TBC1D4: variants seen among roughly 807,000 people sequenced by gnomAD.
The protein encoded by TBC1D4 is TBC1 domain family member 4, also known as TBC (Tre-2, BUB2, CDC16) domain-containing protein.
Under a neutral mutation model 142.5 loss-of-function variants are expected in TBC1D4, and 121 were observed. That is an observed-to-expected ratio of 0.85 (90% confidence interval 0.73 to 0.99). The LOEUF is 0.99. TBC1D4 is among the 50% of genes least tolerant of loss of function. TBC1D4 has a pLI of 0.00. For synonymous variants in TBC1D4, 630 were observed against 628.2 expected, an observed-to-expected ratio of 1.00 and a Z score of -0.04; for missense variants, 1,475 against 1,606.6, an observed-to-expected ratio of 0.92 and a Z score of 1.40.
intron 13 of TBC1D4, among the ~76,000 whole-genome samples, chr13:75,310,942 C>A (rs1877687280): frequency 6.6e-6 from 1 of 152,142 alleles, no homozygotes; most frequent in South Asian, 2.1e-4. Flanking sequence ...AGGATAATAA[C>A]CTCCAGCTAC....
chr13:75,431,303 G>T (rs1025828383), intron 1 of TBC1D4, among the ~76,000 whole-genome samples: 1 of 152,146 alleles, frequency 6.6e-6, no homozygotes, highest in Non-Finnish European at 1.5e-5. Flanking sequence ...TCCATAACCT[G>T]TCAAGTATAT....
intron 1 of TBC1D4, among the ~76,000 whole-genome samples, chr13:75,458,445 C>A (rs1887831351): frequency 6.6e-6 from 1 of 152,156 alleles, no homozygotes; most frequent in South Asian, 2.1e-4. Context: ...AGGGATGTGG[C>A]AAGCCACAGT....
intron 8 of TBC1D4, among the ~76,000 whole-genome samples, chr13:75,331,874 A>C (rs1171802147): frequency 6.6e-6 from 1 of 151,634 alleles, no homozygotes; most frequent in African/African-American, 2.4e-5. Flanking sequence ...AAGTTTTAGA[A>C]GTATACAAAA....
At chr13:75,413,248 G>A (rs917406336) in intron 1 of TBC1D4, among the ~76,000 whole-genome samples, 9 of 151,848 alleles carry the variant, frequency 5.9e-5, no homozygotes, top group African/African-American at 1.5e-4. Context: ...TGCAACCTCC[G>A]TCTCCCGGGT....
chr13:75,458,737 T>A (rs1887840993), intron 1 of TBC1D4, among the ~76,000 whole-genome samples: 1 of 151,988 alleles, frequency 6.6e-6, no homozygotes. Context: ...CAGTTTTTTT[T>A]AAATCTCATG....
chr13:75,353,246 C>A (rs559790350), intron 4 of TBC1D4, among the ~76,000 whole-genome samples: 9 of 152,076 alleles, frequency 5.9e-5, no homozygotes, highest in Admixed American at 5.9e-4. Context: ...TGCATGAGGG[C>A]AAAATGAAAA....
chr13:75,415,935 T>C (rs555614509), intron 1 of TBC1D4, among the ~76,000 whole-genome samples: 4 of 152,314 alleles, frequency 2.6e-5, no homozygotes, highest in African/African-American at 9.6e-5. Flanking sequence ...AAGAAAAGCA[T>C]AGCTACTTTA....
chr13:75,459,300 T>C (rs1887869288), intron 1 of TBC1D4, among the ~76,000 whole-genome samples: 1 of 152,230 alleles, frequency 6.6e-6, no homozygotes, highest in Non-Finnish European at 1.5e-5. Context: ...CTGTTCATTC[T>C]CAATTTCCTG....
intron 17 of TBC1D4, among the ~76,000 whole-genome samples, chr13:75,297,517 G>A (rs1876059601): frequency 6.6e-6 from 1 of 152,134 alleles, no homozygotes; most frequent in Non-Finnish European, 1.5e-5. Flanking sequence ...ACTTTGGGAG[G>A]TCAAGGCAGG....
chr13:75,461,948 A>G (rs1209567846), intron 1 of TBC1D4, among the ~76,000 whole-genome samples: 1 of 152,200 alleles, frequency 6.6e-6, no homozygotes, highest in Non-Finnish European at 1.5e-5. Context: ...TTTATCTGTT[A>G]TGCTGAAATC....
intron 1 of TBC1D4, among the ~76,000 whole-genome samples, chr13:75,478,411 AG>A (rs1888704681): frequency 1.3e-5 from 2 of 152,232 alleles, no homozygotes; most frequent in African/African-American, 4.8e-5. Flanking sequence ...TAGGCATGAC[AG>A]ACAAACCACA....
intron 19 of TBC1D4, among the ~76,000 whole-genome samples, 196 bp from the exon 20 acceptor site, chr13:75,289,306 A>C (rs1237112991): frequency 6.6e-6 from 1 of 152,198 alleles, no homozygotes; most frequent in Non-Finnish European, 1.5e-5. Context: ...ACATAAAAAC[A>C]GATAGCTCTT....
chr13:75,418,329 G>A (rs951498856), intron 1 of TBC1D4, among the ~76,000 whole-genome samples: 1 of 152,166 alleles, frequency 6.6e-6, no homozygotes, highest in Non-Finnish European at 1.5e-5. Context: ...CTGTTTAAAT[G>A]AGAATCCAGA....
At chr13:75,309,842 A>G in intron 14 of TBC1D4, 100 bp downstream of exon 14, 1 of 1,229,102 alleles carries the variant, frequency 8.1e-7, no homozygotes, top group Non-Finnish European at 1.2e-6. Context: ...CATACAGTCC[A>G]AAACTGAGTG....
At chr13:75,478,269 T>C (rs768418997) in intron 1 of TBC1D4, among the ~76,000 whole-genome samples, 1 of 152,224 alleles carries the variant, frequency 6.6e-6, no homozygotes, top group Non-Finnish European at 1.5e-5. Flanking sequence ...CGGTTTGTCC[T>C]CAACAGTCCA....
chr13:75,410,658 C>T (rs1447679128), intron 1 of TBC1D4, among the ~76,000 whole-genome samples: 2 of 152,028 alleles, frequency 1.3e-5, no homozygotes, highest in South Asian at 2.1e-4. Context: ...AAGGGGAGGC[C>T]GGGCGCGGTG....
At chr13:75,329,403 C>T (rs899311938) in intron 8 of TBC1D4, among the ~76,000 whole-genome samples, 6 of 151,600 alleles carry the variant, frequency 4.0e-5, no homozygotes, top group Non-Finnish European at 7.4e-5. Flanking sequence ...CCTCCCCTTC[C>T]CTCCCCTCAC....
rs551839350 is a variant in TBC1D4 at position 75,460,074 on chromosome 13, C to T, written c.498+21196G>A. Among the ~76,000 whole-genome samples, 179 of 152,014 alleles carry T rather than the reference C, an allele frequency of 1.2e-3. 1 individual carries two copies. Among genetic ancestry groups the T allele is most frequent in the African/African-American group, 4.2e-3 (174 of 41,462 alleles). ...AGGAGAATGGCATGAACCTGGGAGG[C>T]GGAGCTTGCAGTGAGCCGAGATCGC... is the stretch of plus-strand genomic sequence containing the variant. On this transcript the variant is annotated intron_variant, in intron 1 of 20. Transcript: ENST00000377636.
At chr13:75,323,128 T>C (rs561039671) in intron 11 of TBC1D4, among the ~76,000 whole-genome samples, 7 of 152,274 alleles carry the variant, frequency 4.6e-5, no homozygotes, top group African/African-American at 1.7e-4. Context: ...TATTAACTTT[T>C]AGCATGTACT....
Sources: gnomAD v4.1 joint callset for allele counts (sites outside exome capture counted in the v4.1 genomes callset) on GRCh38, gnomAD v4.1.1 for gene constraint, MANE v1.5 for transcripts, NCBI Gene and HGNC (gene_info 2026-07-23, HGNC 2026-07-21) for gene names.